The following SAMD13 variants were observed in gnomAD, a reference collection of about 807,000 sequenced individuals.
SAMD13 encodes the protein sterile alpha motif domain containing 13.
SAMD13 carries 9 observed loss-of-function variants against 12.4 expected under a neutral mutation model. The ratio of observed to expected loss-of-function variants is 0.72; its 90% CI spans 0.44 to 1.26. SAMD13 has a LOEUF of 1.26. SAMD13 is among the 50% of genes most tolerant of loss of function. The pLI, the probability that SAMD13 is intolerant of heterozygous loss-of-function variation, is 0.00. For missense variants in SAMD13, 84 were observed against 119.6 expected (o/e 0.70, Z 1.39); for synonymous variants, 46 against 45.4 (o/e 1.01, Z -0.05).
intron 2 of SAMD13, among the ~76,000 whole-genome samples, chr1:84,315,492 A>G (rs1204122540): frequency 6.6e-6 from 1 of 152,072 alleles, no homozygotes; most frequent in South Asian, 2.1e-4. Context: ...GGGTCTCCCT[A>G]TGTTGCCTAG....
intron 3 of SAMD13, among the ~76,000 whole-genome samples, chr1:84,337,489 G>C (rs569458016): frequency 6.6e-6 from 1 of 152,152 alleles, no homozygotes; most frequent in Non-Finnish European, 1.5e-5. Context: ...GCTCTACATT[G>C]GTCCCTTTCA....
At chr1:84,337,565 G>C (rs907166219) in intron 3 of SAMD13, among the ~76,000 whole-genome samples, 7 of 152,170 alleles carry the variant, frequency 4.6e-5, no homozygotes, top group Non-Finnish European at 8.8e-5. Context: ...TGAGGACCCT[G>C]GGTCTGGCCC....
chr1:84,350,665 G>A lies in SAMD13; in HGVS notation c.*891G>A, dbSNP rs1393762797. On this transcript the variant is annotated 3_prime_UTR_variant, in exon 4 of 4. Transcript: ENST00000394834. ...ATGCTTTGTTCGGTTCCTGGGTTAAGTACTTGTTTTTAAGAGCTTGGAAAA... is the reference window on the plus strand; with the variant it reads ...ATGCTTTGTTCGGTTCCTGGGTTAAATACTTGTTTTTAAGAGCTTGGAAAA... The A allele has an allele frequency of 2.6e-5, 4 of 152,408 alleles. No individual in the cohort carries two copies. Among genetic ancestry groups the A allele is most frequent in the Non-Finnish European group, 4.4e-5 (3 of 68,002 alleles). The allele number at this position is 152,408 out of a possible 1,614,324, so 9.4% of individuals were successfully genotyped here.
chr1:84,319,629 A>G (rs1678901140), intron 2 of SAMD13, among the ~76,000 whole-genome samples: 1 of 151,542 alleles, frequency 6.6e-6, no homozygotes. Flanking sequence ...GAAAAGAAAA[A>G]AAAAAAAAAA....
At chr1:84,316,568 A>T (rs1178397598) in intron 2 of SAMD13, among the ~76,000 whole-genome samples, 1 of 152,068 alleles carries the variant, frequency 6.6e-6, no homozygotes, top group East Asian at 1.9e-4. Flanking sequence ...CTTCTGTTCC[A>T]TTGATCTATA....
chr1:84,309,347 T>C (rs978896153), intron 2 of SAMD13, among the ~76,000 whole-genome samples: 1 of 152,224 alleles, frequency 6.6e-6, no homozygotes, highest in Non-Finnish European at 1.5e-5. Context: ...GTGTCGTTGC[T>C]GCAAGAGGAG....
chr1:84,329,459 T>C (rs1306411321), intron 3 of SAMD13, among the ~76,000 whole-genome samples: 1 of 152,188 alleles, frequency 6.6e-6, no homozygotes, highest in African/African-American at 2.4e-5. Context: ...GGAAACTGTA[T>C]GGCTGTGGCA....
chr1:84,348,174 G>T (rs1214041662), intron 3 of SAMD13, among the ~76,000 whole-genome samples: 1 of 152,152 alleles, frequency 6.6e-6, no homozygotes, highest in South Asian at 2.1e-4. Context: ...TTGCAAGAGC[G>T]GTTTCTCACA....
intron 2 of SAMD13, among the ~76,000 whole-genome samples, chr1:84,324,622 A>G (rs527731583): frequency 3.3e-5 from 5 of 152,236 alleles, no homozygotes; most frequent in Non-Finnish European, 7.4e-5. Context: ...TCCTAGTTGG[A>G]GAGAGGAGAG....
At chr1:84,337,173 A>C (rs971842581) in intron 3 of SAMD13, among the ~76,000 whole-genome samples, 2 of 152,034 alleles carry the variant, frequency 1.3e-5, no homozygotes, top group African/African-American at 4.8e-5. Flanking sequence ...CAGTGGATCT[A>C]CCATTCTGGG....
upstream of SAMD13, chr1:84,298,619 T>G: frequency 1.6e-6 from 2 of 1,271,826 alleles, no homozygotes; most frequent in Non-Finnish European, 2.0e-6. Context: ...CGCCCTCTCC[T>G]CTCTCCAGGA....
chr1:84,347,037 A>T (rs781556470), intron 3 of SAMD13, among the ~76,000 whole-genome samples: 2 of 152,166 alleles, frequency 1.3e-5, no homozygotes, highest in Non-Finnish European at 2.9e-5. Context: ...CAGCATTTCT[A>T]ATCCCTAAAG....
At chr1:84,348,532 A>G (rs1048073239) in intron 3 of SAMD13, among the ~76,000 whole-genome samples, 1 of 152,162 alleles carries the variant, frequency 6.6e-6, no homozygotes. Flanking sequence ...TCTTGAATCC[A>G]AGTCACCTAG....
At chr1:84,339,866 G>C (rs923229296) in intron 3 of SAMD13, among the ~76,000 whole-genome samples, 7 of 152,206 alleles carry the variant, frequency 4.6e-5, no homozygotes, top group Non-Finnish European at 1.0e-4. Flanking sequence ...GAATTGGATA[G>C]ATTAAAATTG....
At chr1:84,349,418 T>A (rs1679602305) in intron 3 of SAMD13, among the ~76,000 whole-genome samples, 1 of 152,242 alleles carries the variant, frequency 6.6e-6, no homozygotes. Flanking sequence ...GAAAGCAAGA[T>A]CAGCTATAGA....
At chr1:84,344,935 T>A (rs1457284001) in intron 3 of SAMD13, 1 of 456,676 alleles carries the variant, frequency 2.2e-6, no homozygotes, top group South Asian at 1.5e-5. Context: ...ACAAAAAACA[T>A]TTGGAGGAGG....
chr1:84,319,318 T>C (rs1678893381), intron 2 of SAMD13, among the ~76,000 whole-genome samples: 2 of 152,108 alleles, frequency 1.3e-5, no homozygotes, highest in Non-Finnish European at 2.9e-5. Context: ...AAGTATTCAT[T>C]GAGTCTGCTT....
intron 3 of SAMD13, among the ~76,000 whole-genome samples, chr1:84,334,530 A>G (rs1441126912): frequency 6.6e-6 from 1 of 151,628 alleles, no homozygotes; most frequent in African/African-American, 2.4e-5. Context: ...TTCATCTTTT[A>G]TATGGTTTTT....
chr1:84,317,900 T>G (rs1678868823), intron 2 of SAMD13, among the ~76,000 whole-genome samples: 1 of 152,096 alleles, frequency 6.6e-6, no homozygotes, highest in Non-Finnish European at 1.5e-5. Context: ...TTTCTATTTC[T>G]TCATAATTCA....
Sources: allele counts gnomAD v4.1 joint callset (sites outside exome capture counted in the v4.1 genomes callset), GRCh38; gene constraint gnomAD v4.1.1; transcripts MANE v1.5; gene names NCBI Gene and HGNC (gene_info 2026-07-23, HGNC 2026-07-21).